CDH18: variants seen among roughly 807,000 people sequenced by gnomAD.
CDH18 encodes the protein cadherin 18, also known as cadherin-18.
In CDH18, 31 loss-of-function variants were observed where a neutral mutation model predicts 67.9. The ratio of observed to expected loss-of-function variants is 0.46; its 90% CI spans 0.34 to 0.62. The LOEUF is 0.62. Among genes scored for constraint, CDH18 ranks in the 20% least tolerant of loss-of-function variants. The pLI is 0.01. For synonymous variants in CDH18, 362 were observed against 347.2 expected (o/e 1.04, Z -0.48); for missense variants, 890 against 975.5 (o/e 0.91, Z 1.17).
At position 19,972,691 on chromosome 5, in the gene CDH18, A is replaced by C. The variant is rs546168861; in HGVS notation, c.-257+8369T>G. Among the ~76,000 whole-genome samples the C allele has an allele frequency of 4.5e-4, 69 of 152,142 alleles. No homozygotes were observed. In the South Asian group the frequency reaches 0.014, roughly 31 times the overall value. On this transcript the variant is annotated intron_variant, in intron 2 of 12. Transcript: ENST00000382275. ...ATGGTGTAGGAACATAAATTAGTAGAACCACTTTGGAATATGATTTGTCTT... is the reference window on the plus strand; with the variant it reads ...ATGGTGTAGGAACATAAATTAGTAGCACCACTTTGGAATATGATTTGTCTT...
At chr5:20,514,340 A>T (rs1298998123) in intron 1 of CDH18, among the ~76,000 whole-genome samples, 1 of 152,076 alleles carries the variant, frequency 6.6e-6, no homozygotes, top group Non-Finnish European at 1.5e-5. Context: ...GAGTCATAGA[A>T]CCAAGGGATC....
At chr5:20,198,577 T>G (rs2126742983) in intron 2 of CDH18, among the ~76,000 whole-genome samples, 1 of 152,256 alleles carries the variant, frequency 6.6e-6, no homozygotes, top group African/African-American at 2.4e-5. Flanking sequence ...TGCAGCCTGA[T>G]GATGCGGTAG....
chr5:19,530,455 T>C (rs979401855), intron 9 of CDH18, among the ~76,000 whole-genome samples: 5 of 152,312 alleles, frequency 3.3e-5, no homozygotes, highest in African/African-American at 1.2e-4. Context: ...TATTATACTT[T>C]AAGTTTTAGT....
chr5:20,142,134 T>A (rs957070228), intron 2 of CDH18, among the ~76,000 whole-genome samples: 4 of 152,096 alleles, frequency 2.6e-5, no homozygotes, highest in South Asian at 2.1e-4. Context: ...TGTGGTCTCA[T>A]CAAAAGCTGA....
intron 1 of CDH18, among the ~76,000 whole-genome samples, chr5:20,573,889 A>T (rs1238698891): frequency 8.1e-6 from 1 of 123,364 alleles, no homozygotes; most frequent in Non-Finnish European, 1.6e-5. Flanking sequence ...TATATATATA[A>T]AAGAAATATA....
chr5:20,572,004 G>GGAAATTCTTAAT (rs1758846032), intron 1 of CDH18, among the ~76,000 whole-genome samples: 1 of 152,062 alleles, frequency 6.6e-6, no homozygotes, highest in African/African-American at 2.4e-5. Flanking sequence ...TATTAAGAAA[G>GGAAATTCTTAAT]TCTACGGTGC....
At chr5:19,890,162 G>C (rs538681634) in intron 2 of CDH18, among the ~76,000 whole-genome samples, 27 of 152,174 alleles carry the variant, frequency 1.8e-4, no homozygotes, top group African/African-American at 6.3e-4. Context: ...GGGGTCATCT[G>C]TTTTCTGTGC....
At chr5:20,255,681 G>A (rs1216523392) in intron 1 of CDH18, among the ~76,000 whole-genome samples, 1 of 151,312 alleles carries the variant, frequency 6.6e-6, no homozygotes, top group African/African-American at 2.4e-5. Context: ...TTCCTTTTTA[G>A]GGCATGACAT....
intron 2 of CDH18, among the ~76,000 whole-genome samples, chr5:20,092,577 T>C (rs1745536526): frequency 6.6e-6 from 1 of 152,196 alleles, no homozygotes; most frequent in Admixed American, 6.5e-5. Flanking sequence ...ACTTTTCTCT[T>C]TGATGACTGG....
chr5:20,398,990 C>A (rs1745538451), intron 1 of CDH18, among the ~76,000 whole-genome samples: 1 of 152,090 alleles, frequency 6.6e-6, no homozygotes, highest in Non-Finnish European at 1.5e-5. Context: ...ACCACCATGG[C>A]ACATGTATAC....
intron 2 of CDH18, among the ~76,000 whole-genome samples, chr5:20,103,198 C>T (rs1296983923): frequency 6.6e-6 from 1 of 152,114 alleles, no homozygotes; most frequent in African/African-American, 2.4e-5. Flanking sequence ...AAGCAATGTG[C>T]TGGAATATGT....
chr5:19,950,017 G>T (rs1795638919), intron 2 of CDH18, among the ~76,000 whole-genome samples: 1 of 150,374 alleles, frequency 6.7e-6, no homozygotes, highest in African/African-American at 2.4e-5. Flanking sequence ...TCTCACATTG[G>T]TATACTACTA....
At chr5:20,333,814 G>A (rs1265118987) in intron 1 of CDH18, among the ~76,000 whole-genome samples, 1 of 151,988 alleles carries the variant, frequency 6.6e-6, no homozygotes, top group Admixed American at 6.6e-5. Flanking sequence ...GCATCTTACT[G>A]GAGGCATCAC....
intron 1 of CDH18, among the ~76,000 whole-genome samples, chr5:20,294,023 A>G (rs1747300564): frequency 6.6e-6 from 1 of 152,216 alleles, no homozygotes; most frequent in South Asian, 2.1e-4. Context: ...AAATATTTTA[A>G]TGAATATGTA....
chr5:20,156,948 C>T (rs1034564614), intron 2 of CDH18, among the ~76,000 whole-genome samples: 1 of 152,156 alleles, frequency 6.6e-6, no homozygotes, highest in African/African-American at 2.4e-5. Flanking sequence ...ATGATGGATA[C>T]ATTTCAATAC....
intron 1 of CDH18, among the ~76,000 whole-genome samples, chr5:20,352,419 C>T (rs1580813498): frequency 6.6e-6 from 1 of 151,858 alleles, no homozygotes; most frequent in Non-Finnish European, 1.5e-5. Context: ...GGCCAGCACC[C>T]CAAATCTTGG....
chr5:20,313,266 A>G (rs545906258), intron 1 of CDH18, among the ~76,000 whole-genome samples: 35 of 152,168 alleles, frequency 2.3e-4, no homozygotes, highest in African/African-American at 8.4e-4. Flanking sequence ...AAAACCTTTT[A>G]TTCTTAAATG....
intron 2 of CDH18, among the ~76,000 whole-genome samples, chr5:19,902,235 G>A (rs1790020348): frequency 6.6e-6 from 1 of 152,114 alleles, no homozygotes; most frequent in Non-Finnish European, 1.5e-5. Context: ...TCACTGAGAT[G>A]GTCGAGATTC....
At chr5:20,433,331 T>A (rs372692205) in intron 1 of CDH18, among the ~76,000 whole-genome samples, 2 of 151,976 alleles carry the variant, frequency 1.3e-5, no homozygotes, top group Admixed American at 6.6e-5. Flanking sequence ...CCAAGCAATA[T>A]ATCCAACTAC....
Sources: gnomAD v4.1 joint callset for allele counts (sites outside exome capture counted in the v4.1 genomes callset) on GRCh38, gnomAD v4.1.1 for gene constraint, MANE v1.5 for transcripts, NCBI Gene and HGNC (gene_info 2026-07-23, HGNC 2026-07-21) for gene names.